The following ADGRF5 variants were observed in gnomAD, a reference collection of about 807,000 sequenced individuals.
ADGRF5 encodes the protein G-protein coupled receptor 116.
ADGRF5 carries 75 observed loss-of-function variants against 132.3 expected under a neutral mutation model. The observed-to-expected ratio is 0.57, with a 90% CI of 0.47 to 0.69. The LOEUF (loss-of-function observed/expected upper bound fraction) is 0.69, where lower values mean the gene tolerates loss of function less well. ADGRF5 is among the 30% of genes least tolerant of loss of function. The pLI is 0.00. For missense variants in ADGRF5, 1,516 were observed against 1,630.6 expected (o/e 0.93, Z 1.21); for synonymous variants, 629 against 597.6 (o/e 1.05, Z -0.77).
chr6:46,906,972 T>TCA (rs1468609515), intron 1 of ADGRF5, among the ~76,000 whole-genome samples, 186 bp from the exon 2 acceptor site: 1 of 152,200 alleles, frequency 6.6e-6, no homozygotes, highest in African/African-American at 2.4e-5. Flanking sequence ...GAAGAAATGG[T>TCA]CACAGTAGGG....
At chr6:46,951,195 T>C (rs1199255884) in intron 1 of ADGRF5, among the ~76,000 whole-genome samples, 1 of 152,210 alleles carries the variant, frequency 6.6e-6, no homozygotes, top group Non-Finnish European at 1.5e-5. Context: ...GAAAGGCAGC[T>C]GTAGACAAGG....
intron 1 of ADGRF5, among the ~76,000 whole-genome samples, chr6:46,950,579 A>G (rs1420583675): frequency 6.6e-6 from 1 of 152,132 alleles, no homozygotes; most frequent in African/African-American, 2.4e-5. Flanking sequence ...CAGTGGCACA[A>G]TCTCAGCTCA....
intron 20 of ADGRF5, chr6:46,854,759 G>A: frequency 7.8e-7 from 1 of 1,287,014 alleles, no homozygotes; most frequent in Non-Finnish European, 1.0e-6. Context: ...TTCCGTCATG[G>A]CCTGGGGGGA....
chr6:46,853,266 T>A lies in ADGRF5; in HGVS notation c.*726A>T, dbSNP rs574660007. The A allele has an allele frequency of 1.3e-5, 2 of 152,310 alleles. No individual in the cohort carries two copies. Among genetic ancestry groups the A allele is most frequent in the East Asian group, 3.9e-4 (2 of 5,178 alleles). 9.4% of individuals were successfully genotyped at this position (152,310 alleles called of 1,614,324 possible). A position where few individuals can be genotyped will look rare whatever the true frequency, so the allele number is the denominator to read the frequency against. ...TCCATTCATTTCTTATAAATATTGT[T>A]ATCCACTTGAAGTCGTTCTGATGAA... On this transcript the variant is annotated 3_prime_UTR_variant, in exon 21 of 21. Coordinates refer to ENST00000283296, the MANE Select transcript of ADGRF5 (RefSeq NM_001098518.2).
At position 46,866,097 on chromosome 6, in the gene ADGRF5, AT is replaced by A. The variant is rs1039087782; in HGVS notation, c.1834+827del. On this transcript the variant is annotated intron_variant, in intron 13 of 20. Transcript: ENST00000283296. ...GGCACCATCTACCAGAGAGACTTTG[AT>A]TTTTTTTTCTTTTTTTGCTGGTTGA... 2.6e-5 allele frequency among the ~76,000 whole-genome samples: 4 copies of A among 151,426 alleles called. No homozygotes were observed. The East Asian group carries it at 5.8e-4, about 22-fold the overall frequency.
At chr6:46,939,091 G>A (rs1228931824) in intron 1 of ADGRF5, among the ~76,000 whole-genome samples, 1 of 152,214 alleles carries the variant, frequency 6.6e-6, no homozygotes, top group East Asian at 1.9e-4. Flanking sequence ...GGATGGTCTC[G>A]ATCTCTTGAC....
intron 10 of ADGRF5, among the ~76,000 whole-genome samples, chr6:46,877,263 CTTTCTTTCTTTCTTTCTTTCTTTCTT>C (rs1354811248): frequency 2.4e-4 from 9 of 38,266 alleles, no homozygotes; most frequent in East Asian, 5.5e-4. Flanking sequence ...TTCTTTCTTT[CTTTCTTTCTTTCTTTCTTTCTTTCTT>C]TCTCTCTCTC....
chr6:46,874,043 A>T (rs1004865036), intron 10 of ADGRF5, among the ~76,000 whole-genome samples: 10 of 152,136 alleles, frequency 6.6e-5, no homozygotes, highest in African/African-American at 2.4e-4. Flanking sequence ...ATTTTCAGTT[A>T]TTTGCCCCTG....
At chr6:46,881,238 C>A (rs1772426570) in intron 8 of ADGRF5, among the ~76,000 whole-genome samples, 1 of 152,098 alleles carries the variant, frequency 6.6e-6, no homozygotes, top group African/African-American at 2.4e-5. Context: ...GCTCTGTGGC[C>A]CCCTTGTAAA....
intron 3 of ADGRF5, 78 bp downstream of exon 3, chr6:46,899,951 T>A: frequency 1.0e-6 from 1 of 980,404 alleles, no homozygotes; most frequent in Non-Finnish European, 1.7e-6. Flanking sequence ...TTATGTAGAC[T>A]ACAATGTTTT....
intron 14 of ADGRF5, among the ~76,000 whole-genome samples, chr6:46,864,563 C>T (rs1189857701): frequency 1.4e-5 from 2 of 147,764 alleles, no homozygotes; most frequent in Non-Finnish European, 3.0e-5. Context: ...ATCTCTCTGT[C>T]GCCCAGCCTG....
At chr6:46,928,718 G>A (rs1777385065) in intron 1 of ADGRF5, among the ~76,000 whole-genome samples, 1 of 152,086 alleles carries the variant, frequency 6.6e-6, no homozygotes, top group Admixed American at 6.5e-5. Context: ...TCTAAAGACG[G>A]TTTCTTCCCA....
At chr6:46,889,188 T>C (rs199897642) in intron 3 of ADGRF5, among the ~76,000 whole-genome samples, 2 of 8,272 alleles carry the variant, frequency 2.4e-4, no homozygotes, top group Non-Finnish European at 7.7e-4. Flanking sequence ...TGTGTATACA[T>C]ATATATATAT....
rs1770294269 is a variant in ADGRF5 at position 46,865,324 on chromosome 6, AACAGGTTTT to A, written c.1835-136_1835-128del. On this transcript the variant is annotated intron_variant, in intron 13 of 20. Transcript: ENST00000283296. ...CGAGGAATGTGCCACATTCATTTTT[AACAGGTTTT>A]ACCTCTGGGTTTTGAAGTATGTAAG... 2.4e-5 allele frequency: 16 copies of A among 657,804 alleles called. No homozygotes were observed. In the South Asian group the frequency reaches 3.3e-4, roughly 14 times the overall value. The allele number at this position is 657,804 out of a possible 1,614,324, so 40.7% of individuals were successfully genotyped here. A position where few individuals can be genotyped will look rare whatever the true frequency, so the allele number is the denominator to read the frequency against.
At chr6:46,936,375 A>G (rs549449152) in intron 1 of ADGRF5, among the ~76,000 whole-genome samples, 2 of 152,296 alleles carry the variant, frequency 1.3e-5, no homozygotes, top group South Asian at 4.1e-4. Context: ...TATCTTCTCT[A>G]TCTTTTCTTC....
chr6:46,899,919 C>T (rs1424022480), intron 3 of ADGRF5, 110 bp downstream of exon 3: 2 of 782,582 alleles, frequency 2.6e-6, no homozygotes, highest in Non-Finnish European at 4.6e-6. Context: ...ACTATATGAC[C>T]CTGATGTGAT....
upstream of ADGRF5, among the ~76,000 whole-genome samples, chr6:46,924,416 A>C (rs1777148143): frequency 6.6e-6 from 1 of 152,192 alleles, no homozygotes; most frequent in Admixed American, 6.5e-5. Context: ...GGTTATCAAT[A>C]AAAGCAAGCA....
chr6:46,862,707 T>G lies in ADGRF5; in HGVS notation c.2199+181A>C, dbSNP rs1248784412. ...GTCTTAGTATTTGAATTGAGGCTTT[T>G]TTTTTTTTTTTTTTTTTTTTTTGCA... is the stretch of plus-strand genomic sequence containing the variant. On this transcript the variant is annotated intron_variant, in intron 15 of 20. Transcript: ENST00000283296. Among the ~76,000 whole-genome samples the G allele has an allele frequency of 1.7e-4, 22 of 130,928 alleles. 1 individual carries two copies. The highest frequency in any genetic ancestry group is 2.9e-4 in the Non-Finnish European group (18 of 61,950). The allele number at this position is 130,928 out of a possible 152,430, so 85.9% of individuals were successfully genotyped here.
chr6:46,894,182 A>G (rs1773943832), intron 3 of ADGRF5, among the ~76,000 whole-genome samples: 1 of 152,204 alleles, frequency 6.6e-6, no homozygotes, highest in African/African-American at 2.4e-5. Flanking sequence ...GCAAGTAAAT[A>G]TCAAAAGATA....
Sources: allele counts gnomAD v4.1 joint callset (sites outside exome capture counted in the v4.1 genomes callset), GRCh38; gene constraint gnomAD v4.1.1; transcripts MANE v1.5; gene names NCBI Gene and HGNC (gene_info 2026-07-23, HGNC 2026-07-21).